The following HTT variants were observed in gnomAD, a reference collection of about 807,000 sequenced individuals.
HTT encodes the protein huntington disease protein.
In HTT, 104 loss-of-function variants were observed where a neutral mutation model predicts 362.3. The observed-to-expected ratio is 0.29, with a 90% CI of 0.24 to 0.34. HTT has a LOEUF of 0.34. Among genes scored for constraint, HTT ranks in the 10% least tolerant of loss-of-function variants. The pLI is 1.00. For synonymous variants in HTT, 1,577 were observed against 1,548.7 expected (o/e 1.02, Z -0.43); for missense variants, 3,301 against 3,928.6 (o/e 0.84, Z 4.27).
intron 15 of HTT, 112 bp from the exon 16 acceptor site, chr4:3,131,526 C>T: frequency 6.6e-7 from 1 of 1,525,820 alleles, no homozygotes; most frequent in Non-Finnish European, 9.0e-7. Context: ...TTTTCACTAG[C>T]CGAGGGGAGG....
chr4:3,186,538 C>T (rs363093), intron 37 of HTT, 59 bp from the exon 38 acceptor site: 188,762 of 1,586,868 alleles, frequency 0.12, 15,850 homozygotes, highest in African/African-American at 0.44. Flanking sequence ...AGCTGGTGTA[C>T]AGGAAGCTGT....
chr4:3,223,319 T>A, intron 54 of HTT, 87 bp from the exon 55 acceptor site: 1 of 1,320,822 alleles, frequency 7.6e-7, no homozygotes, highest in Non-Finnish European at 1.0e-6. Context: ...CTTCCTCCCA[T>A]TGAGGCAGGG....
At chr4:3,094,647 GGGGCGGGT>G (rs1354914305) in intron 2 of HTT, among the ~76,000 whole-genome samples, 1 of 144,414 alleles carries the variant, frequency 6.9e-6, no homozygotes, top group African/African-American at 2.5e-5. Flanking sequence ...CCTCCCGGAC[GGGGCGGGT>G]GGCCGGGCGG....
intron 61 of HTT, 34 bp from the exon 62 acceptor site, chr4:3,235,250 G>GT: frequency 7.0e-7 from 1 of 1,424,190 alleles, no homozygotes; most frequent in South Asian, 1.1e-5. Flanking sequence ...TTGGATGGGG[G>GT]TGGCTGAGCC....
chr4:3,175,249 C>G (rs1370507971), intron 33 of HTT, 142 bp downstream of exon 33: 1 of 791,312 alleles, frequency 1.3e-6, no homozygotes, highest in African/African-American at 1.7e-5. Flanking sequence ...TTTCATGCAC[C>G]TAGCTGGTGC....
chr4:3,120,344 T>G (rs1016145675), intron 8 of HTT, among the ~76,000 whole-genome samples: 1 of 152,198 alleles, frequency 6.6e-6, no homozygotes, highest in African/African-American at 2.4e-5. Context: ...TTTGAGTGCC[T>G]TGTATTTTAT....
rs1716621727 is a variant in HTT at position 3,146,719 on chromosome 4, TG to T, written c.3144-76del. On this transcript the variant is annotated intron_variant, in intron 24 of 66. Transcript: ENST00000355072. ...AATGTATTGTGACATGCCTTCCTCT[TG>T]GAATTGCAAGAGAAAGGAAGACTGT... The T allele has an allele frequency of 3.0e-6, 4 of 1,329,014 alleles. No homozygotes were observed. In the South Asian group the frequency reaches 4.8e-5, roughly 16 times the overall value. 82.3% of individuals were successfully genotyped at this position (1,329,014 alleles called of 1,614,324 possible). A position where few individuals can be genotyped will look rare whatever the true frequency, so the allele number is the denominator to read the frequency against.
At chr4:3,139,190 A>T (rs138099268) in intron 21 of HTT, among the ~76,000 whole-genome samples, 1 of 152,176 alleles carries the variant, frequency 6.6e-6, no homozygotes, top group Non-Finnish European at 1.5e-5. Context: ...AAATGATAGC[A>T]ACTTCTTTTT....
At chr4:3,112,339 C>T (rs1302201049) in intron 6 of HTT, among the ~76,000 whole-genome samples, 1 of 152,126 alleles carries the variant, frequency 6.6e-6, no homozygotes, top group Non-Finnish European at 1.5e-5. Context: ...TGAATAACCA[C>T]AAAGTGAACT....
At chr4:3,106,663 G>T (rs1434525018) in intron 5 of HTT, among the ~76,000 whole-genome samples, 1 of 152,012 alleles carries the variant, frequency 6.6e-6, no homozygotes, top group African/African-American at 2.4e-5. Context: ...TTAGAGTCAG[G>T]TTTTTCTTCC....
At chr4:3,187,010 C>G (rs1718795625) in intron 38 of HTT, among the ~76,000 whole-genome samples, 1 of 151,636 alleles carries the variant, frequency 6.6e-6, no homozygotes, top group Admixed American at 6.6e-5. Context: ...AAGCGCCCAC[C>G]ACCACGCCCG....
Position 3,199,907 on chromosome 4 carries a change from C to T in HTT, c.5544C>T (p.Tyr1848=), listed in dbSNP as rs1719453864. The T allele has an allele frequency of 6.2e-7, 1 of 1,613,964 alleles. No homozygotes were observed. Among genetic ancestry groups the T allele is most frequent in the Non-Finnish European group, 8.5e-7 (1 of 1,179,988 alleles). The change falls in exon 41 of 67, where the codon TAC becomes TAT. Residue 1848 remains tyrosine (Y), a synonymous_variant. Coordinates refer to ENST00000355072, the MANE Select transcript of HTT (RefSeq NM_001388492.1). ...QILLLVNHTD[Y]RWWAEVQQTP... The stretch of plus-strand genomic sequence containing the variant: ...TGCTGCTTGTCAACCACACCGACTA[C>T]CGCTGGTGGGCAGAAGTGCAGCAGA...
intron 64 of HTT, among the ~76,000 whole-genome samples, chr4:3,237,549 G>T (rs758314622): frequency 4.2e-4 from 64 of 152,102 alleles, no homozygotes; most frequent in Middle Eastern, 6.8e-3. Flanking sequence ...AGAGTGTGGT[G>T]CACGCCTTCC....
intron 60 of HTT, among the ~76,000 whole-genome samples, chr4:3,231,546 T>G (rs1721252066): frequency 6.6e-6 from 1 of 152,172 alleles, no homozygotes. Context: ...CTGCGAGTCT[T>G]GACTGCTCTT....
chr4:3,222,725 A>T (rs1720738630), intron 54 of HTT, among the ~76,000 whole-genome samples: 1 of 152,232 alleles, frequency 6.6e-6, no homozygotes, highest in South Asian at 2.1e-4. Flanking sequence ...TTCCATGTTA[A>T]GGATCAATAC....
intron 29 of HTT, among the ~76,000 whole-genome samples, chr4:3,163,223 T>A (rs1053002203): frequency 9.8e-5 from 15 of 152,348 alleles, no homozygotes; most frequent in Non-Finnish European, 1.9e-4. Context: ...TGTGATGGAT[T>A]ACGTTTATTG....
chr4:3,134,274 G>A, intron 18 of HTT, 127 bp from the exon 19 acceptor site: 2 of 702,754 alleles, frequency 2.8e-6, no homozygotes, highest in East Asian at 5.2e-5. Context: ...TGGGAAAAAT[G>A]CAACATCCTG....
At chr4:3,172,589 G>T (rs1718043428) in intron 30 of HTT, among the ~76,000 whole-genome samples, 192 bp downstream of exon 30, 1 of 152,298 alleles carries the variant, frequency 6.6e-6, no homozygotes, top group African/African-American at 2.4e-5. Flanking sequence ...GGAGGACGAG[G>T]TCTGTCACTG....
At chr4:3,141,026 C>T (rs1190400589) in intron 22 of HTT, among the ~76,000 whole-genome samples, 1 of 152,158 alleles carries the variant, frequency 6.6e-6, no homozygotes, top group Non-Finnish European at 1.5e-5. Context: ...TTTTGGTGAG[C>T]GGGCTATTAA....
Sources: gnomAD v4.1 joint callset for allele counts (sites outside exome capture counted in the v4.1 genomes callset) on GRCh38, gnomAD v4.1.1 for gene constraint, MANE v1.5 for transcripts, NCBI Gene and HGNC (gene_info 2026-07-23, HGNC 2026-07-21) for gene names.